TRPC4AP: variants seen among roughly 807,000 people sequenced by gnomAD.
The protein encoded by TRPC4AP is short transient receptor potential channel 4-associated protein.
In TRPC4AP, 45 loss-of-function variants were observed where a neutral mutation model predicts 99.0. That is an observed-to-expected ratio of 0.45 (90% CI 0.36 to 0.58). The LOEUF (loss-of-function observed/expected upper bound fraction) is 0.58. Ranked by LOEUF, TRPC4AP falls within the 20% of genes least tolerant of loss-of-function variation. TRPC4AP has a pLI of 0.00. For missense variants in TRPC4AP, 879 were observed against 985.3 expected (o/e 0.89, Z 1.44); for synonymous variants, 408 against 385.8 (o/e 1.06, Z -0.67).
intron 5 of TRPC4AP, among the ~76,000 whole-genome samples, chr20:35,053,521 G>C (rs763852471): frequency 6.6e-6 from 1 of 152,140 alleles, no homozygotes; most frequent in African/African-American, 2.4e-5. Context: ...CAAGAACTGT[G>C]CATTTCCTGA....
intron 8 of TRPC4AP, among the ~76,000 whole-genome samples, chr20:35,028,204 A>G (rs1359412587): frequency 1.6e-5 from 2 of 123,400 alleles, no homozygotes; most frequent in Non-Finnish European, 3.4e-5. Context: ...TTGTCTCAAA[A>G]TATTTCCTTT....
intron 3 of TRPC4AP, among the ~76,000 whole-genome samples, chr20:35,064,756 T>C (rs1396217258): frequency 7.2e-5 from 11 of 152,246 alleles, no homozygotes; most frequent in Non-Finnish European, 1.3e-4. Flanking sequence ...GAAGTAATTA[T>C]TATACAGTAT....
At chr20:35,045,118 T>C (rs2083528990) in intron 6 of TRPC4AP, among the ~76,000 whole-genome samples, 1 of 152,206 alleles carries the variant, frequency 6.6e-6, no homozygotes, top group Non-Finnish European at 1.5e-5. Flanking sequence ...TAAAGGCCTC[T>C]GTGTATCCCC....
At chr20:35,026,336 T>A (rs758253524) in intron 8 of TRPC4AP, among the ~76,000 whole-genome samples, 3 of 151,720 alleles carry the variant, frequency 2.0e-5, no homozygotes, top group Admixed American at 2.0e-4. Context: ...CACCTCAGCC[T>A]CTTGAGTAGC....
Position 35,033,056 on chromosome 20 carries a change from G to T in TRPC4AP, c.1051+2067C>A, listed in dbSNP as rs1271254722. Among the ~76,000 whole-genome samples, 3 of 151,994 alleles carry T rather than the reference G, an allele frequency of 2.0e-5. No homozygotes were observed. The East Asian group carries it at 5.8e-4, about 30-fold the overall frequency. Reference sequence around the variant, plus strand: ...TACTAAAATACAAAAAATTAGCCGGGTGTGGTGGCATGCACCTGTAACCCC... The same window carrying T: ...TACTAAAATACAAAAAATTAGCCGGTTGTGGTGGCATGCACCTGTAACCCC... On this transcript the variant is annotated intron_variant, in intron 8 of 18. Coordinates refer to ENST00000252015, the MANE Select transcript of TRPC4AP (RefSeq NM_015638.3).
chr20:35,051,016 G>A (rs957659434), intron 5 of TRPC4AP, among the ~76,000 whole-genome samples: 1 of 145,900 alleles, frequency 6.9e-6, no homozygotes, highest in Non-Finnish European at 1.5e-5. Flanking sequence ...GAAAGAAACT[G>A]CAGTACTGCT....
chr20:35,057,378 G>A lies in TRPC4AP; in HGVS notation c.472+136C>T, dbSNP rs759192114. 3.4e-5 allele frequency: 23 copies of A among 677,080 alleles called. 1 individual carries two copies. In the Admixed American group the frequency reaches 5.3e-4, roughly 16 times the overall value. The allele number at this position is 677,080 out of a possible 1,614,324, so 41.9% of individuals were successfully genotyped here. A position where few individuals can be genotyped will look rare whatever the true frequency, so the allele number is the denominator to read the frequency against. On this transcript the variant is annotated intron_variant, in intron 4 of 18. Coordinates refer to ENST00000252015, the MANE Select transcript of TRPC4AP (RefSeq NM_015638.3). ...ACAGCTGCTTAGCTGGGGGAGGAGA[G>A]AGCAACCTGTAGCTAAATGTAAGAC...
chr20:35,024,461 A>G (rs2082969977), intron 8 of TRPC4AP, among the ~76,000 whole-genome samples: 1 of 152,100 alleles, frequency 6.6e-6, no homozygotes, highest in African/African-American at 2.4e-5. Flanking sequence ...AATGTTTTCA[A>G]GGTTTATCCA....
At chr20:35,075,235 C>A (rs910885421) in intron 2 of TRPC4AP, among the ~76,000 whole-genome samples, 4 of 152,092 alleles carry the variant, frequency 2.6e-5, no homozygotes, top group African/African-American at 7.2e-5. Context: ...TGTCTTTTAA[C>A]TGGAGCATTT....
intron 2 of TRPC4AP, 152 bp from the exon 3 acceptor site, chr20:35,069,564 G>C: frequency 1.7e-6 from 1 of 579,920 alleles, no homozygotes; most frequent in Non-Finnish European, 3.1e-6. Flanking sequence ...TCAGGCCCCT[G>C]TAAAGCCCCT....
At chr20:35,051,531 C>T (rs1371950443) in intron 5 of TRPC4AP, among the ~76,000 whole-genome samples, 2 of 150,026 alleles carry the variant, frequency 1.3e-5, no homozygotes, top group East Asian at 3.9e-4. Flanking sequence ...AAATCTTTGA[C>T]GATCACATTA....
At position 35,003,021 on chromosome 20, in the gene TRPC4AP, C is replaced by T; in HGVS notation, c.*125G>A. 1 of 1,396,740 alleles carries T rather than the reference C, an allele frequency of 7.2e-7. No homozygotes were observed. The highest frequency in any genetic ancestry group is 9.8e-7 in the Non-Finnish European group (1 of 1,022,574). 86.5% of individuals were successfully genotyped at this position (1,396,740 alleles called of 1,614,324 possible). A position where few individuals can be genotyped will look rare whatever the true frequency, so the allele number is the denominator to read the frequency against. ...CTTCTAGGACTTCCCTCCCACCAAGCCTGTACCCAAAGACCTGGGGCAGGC... is the reference window on the plus strand; with the variant it reads ...CTTCTAGGACTTCCCTCCCACCAAGTCTGTACCCAAAGACCTGGGGCAGGC... On this transcript the variant is annotated 3_prime_UTR_variant, in exon 19 of 19. Coordinates refer to ENST00000252015, the MANE Select transcript of TRPC4AP (RefSeq NM_015638.3).
intron 3 of TRPC4AP, among the ~76,000 whole-genome samples, chr20:35,065,588 A>C (rs147718745): frequency 6.6e-6 from 1 of 152,318 alleles, no homozygotes; most frequent in East Asian, 1.9e-4. Context: ...GGACAGCAAG[A>C]GAGTTCACTA....
rs761178979 is a variant in TRPC4AP, at chr20:35,044,576, G to A, written c.794C>T (p.Thr265Met). Residue 265 changes from threonine to methionine, a missense_variant, in exon 7 of 19, where the codon ACG (threonine) becomes ATG (methionine). Around this residue, in one of 3 missense-constraint regions of TRPC4AP, gnomAD observed 603 missense variants for 631.8 expected, o/e 0.95. Coordinates refer to ENST00000252015, the MANE Select transcript of TRPC4AP (RefSeq NM_015638.3). Reference protein sequence around the residue: ...EMDTGNDDKHTLLAKNAQQKK... With the variant: ...EMDTGNDDKHMLLAKNAQQKK... ...CTGTTGAGCATTTTTGGCAAGAAGC[G>A]TGTGCTTGTCATCATTCCCTGTATC... 19 of 1,613,968 alleles carry A rather than the reference G, an allele frequency of 1.2e-5. No homozygotes were observed. The highest frequency in any genetic ancestry group is 4.0e-5 in the African/African-American group (3 of 74,906).
chr20:35,044,208 T>C (rs1408078063), intron 7 of TRPC4AP, among the ~76,000 whole-genome samples: 7 of 151,740 alleles, frequency 4.6e-5, no homozygotes, highest in Admixed American at 2.0e-4. Flanking sequence ...CTGGGCAACA[T>C]GGCGAAACCC....
chr20:35,074,539 T>C (rs1357686728), intron 2 of TRPC4AP, among the ~76,000 whole-genome samples: 2 of 152,230 alleles, frequency 1.3e-5, no homozygotes, highest in Non-Finnish European at 2.9e-5. Context: ...CCAGCAGTCA[T>C]TCAGGAGCAG....
At chr20:35,053,130 AAAATC>A (rs2083743852) in intron 5 of TRPC4AP, among the ~76,000 whole-genome samples, 1 of 152,236 alleles carries the variant, frequency 6.6e-6, no homozygotes, top group African/African-American at 2.4e-5. Context: ...ATAATTTATA[AAAATC>A]AAATCAATGT....
At chr20:35,070,334 T>C (rs1413926482) in intron 2 of TRPC4AP, among the ~76,000 whole-genome samples, 2 of 152,174 alleles carry the variant, frequency 1.3e-5, no homozygotes, top group African/African-American at 4.8e-5. Context: ...ACCAGAAGCA[T>C]GCTCTTCAGA....
intron 2 of TRPC4AP, among the ~76,000 whole-genome samples, chr20:35,076,966 G>A (rs903360730): frequency 6.6e-6 from 1 of 152,122 alleles, no homozygotes; most frequent in African/African-American, 2.4e-5. Context: ...AGCAGTTGTG[G>A]ACACCCCTCC....
Sources: allele counts gnomAD v4.1 joint callset (sites outside exome capture counted in the v4.1 genomes callset), GRCh38; gene constraint gnomAD v4.1.1; regional missense constraint gnomAD v4.1.1; transcripts MANE v1.5; gene names NCBI Gene and HGNC (gene_info 2026-07-23, HGNC 2026-07-21).